Variants in EPHA3 observed in about 807,000 individuals in gnomAD.
EPHA3 encodes EPH receptor A3.
EPHA3 carries 42 observed loss-of-function variants against 107.1 expected under a neutral mutation model. That is an observed-to-expected ratio of 0.39 (90% CI 0.31 to 0.51). EPHA3 has a LOEUF of 0.51. Among genes scored for constraint, EPHA3 ranks in the 20% least tolerant of loss-of-function variants. The pLI is 0.78. For missense variants in EPHA3, 1,183 were observed against 1,211.2 expected (o/e 0.98, Z 0.35); for synonymous variants, 461 against 424.8 (o/e 1.09, Z -1.05).
intron 5 of EPHA3, among the ~76,000 whole-genome samples, chr3:89,375,780 A>C (rs533818462): frequency 6.6e-6 from 1 of 151,976 alleles, no homozygotes. Context: ...AGACACAAAC[A>C]AAATAGGCCC....
In EPHA3 at chr3:89,109,547, TAGTC is replaced by T. The variant is rs573832437; in HGVS notation, c.88+1715_88+1718del. Among the ~76,000 whole-genome samples, 23 of 152,072 alleles carry T rather than the reference TAGTC, an allele frequency of 1.5e-4. No homozygotes were observed. In the South Asian group the frequency reaches 2.3e-3, roughly 15 times the overall value. ...TAATTATGCACAAGAATGTAGCTGTTAGTCAGTATTTTTGTGGAAAACAACCTTT... is the reference window on the plus strand; with the variant it reads ...TAATTATGCACAAGAATGTAGCTGTTAGTATTTTTGTGGAAAACAACCTTT... On this transcript the variant is annotated intron_variant, in intron 1 of 16. Coordinates refer to ENST00000336596, the MANE Select transcript of EPHA3 (RefSeq NM_005233.6).
At chr3:89,236,914 C>A (rs1248069992) in intron 3 of EPHA3, among the ~76,000 whole-genome samples, 5 of 152,050 alleles carry the variant, frequency 3.3e-5, no homozygotes. Context: ...TGATTAGATG[C>A]ATGTAGTTGT....
chr3:89,409,341 T>C (rs1466604006), intron 9 of EPHA3, among the ~76,000 whole-genome samples: 1 of 152,036 alleles, frequency 6.6e-6, no homozygotes, highest in East Asian at 1.9e-4. Context: ...TTACAATTTT[T>C]ATGCATAAAT....
chr3:89,369,453 A>G, intron 5 of EPHA3, among the ~76,000 whole-genome samples: 1 of 150,766 alleles, frequency 6.6e-6, no homozygotes, highest in Non-Finnish European at 1.5e-5. Context: ...CCATATGTAG[A>G]AAGCTGAAAC....
intron 5 of EPHA3, among the ~76,000 whole-genome samples, chr3:89,367,291 T>A (rs1708203586): frequency 6.6e-6 from 1 of 150,770 alleles, no homozygotes; most frequent in Admixed American, 6.7e-5. Flanking sequence ...CTTCTTTACC[T>A]GTTCATTTCT....
At chr3:89,260,618 T>C (rs2107279684) in intron 3 of EPHA3, among the ~76,000 whole-genome samples, 1 of 152,322 alleles carries the variant, frequency 6.6e-6, no homozygotes, top group East Asian at 1.9e-4. Context: ...ATTTTTCCAG[T>C]CTGCAGGCTG....
intron 2 of EPHA3, among the ~76,000 whole-genome samples, chr3:89,175,802 T>G (rs539871800): frequency 6.6e-6 from 1 of 152,240 alleles, no homozygotes; most frequent in South Asian, 2.1e-4. Context: ...TCTCTTATAT[T>G]CTGGTACCCT....
At chr3:89,438,480 G>A (rs1346774705) in intron 13 of EPHA3, among the ~76,000 whole-genome samples, 3 of 151,990 alleles carry the variant, frequency 2.0e-5, no homozygotes, top group African/African-American at 7.2e-5. Context: ...AAGCTAAGAG[G>A]TTAAATATTT....
At chr3:89,460,608 T>A (rs1363157125) in intron 15 of EPHA3, among the ~76,000 whole-genome samples, 1 of 149,256 alleles carries the variant, frequency 6.7e-6, no homozygotes, top group African/African-American at 2.5e-5. Context: ...GAGTACATAA[T>A]AGAATTCTTT....
intron 1 of EPHA3, among the ~76,000 whole-genome samples, chr3:89,111,114 T>C (rs1707095487): frequency 1.3e-5 from 2 of 152,128 alleles, no homozygotes; most frequent in South Asian, 4.1e-4. Flanking sequence ...ACTATTTCTA[T>C]GAAATGCATT....
chr3:89,448,126 C>T (rs1306065943), intron 13 of EPHA3, among the ~76,000 whole-genome samples: 3 of 152,142 alleles, frequency 2.0e-5, no homozygotes, highest in Non-Finnish European at 4.4e-5. Flanking sequence ...GCTCCACGTT[C>T]CACATTACGG....
At chr3:89,226,215 C>T (rs1222032218) in intron 3 of EPHA3, among the ~76,000 whole-genome samples, 14 of 152,048 alleles carry the variant, frequency 9.2e-5, no homozygotes, top group Admixed American at 9.2e-4. Flanking sequence ...ACTATGTAAC[C>T]ATTCTGGGTC....
chr3:89,166,815 G>A (rs750365499), intron 2 of EPHA3, among the ~76,000 whole-genome samples: 1 of 152,044 alleles, frequency 6.6e-6, no homozygotes, highest in Non-Finnish European at 1.5e-5. Context: ...AATATTAAGG[G>A]GGTGCTTTTG....
chr3:89,308,694 C>T (rs1423469258), intron 3 of EPHA3, among the ~76,000 whole-genome samples: 1 of 151,518 alleles, frequency 6.6e-6, no homozygotes, highest in African/African-American at 2.4e-5. Flanking sequence ...TAAATCCTCA[C>T]CTGGGTTATA....
chr3:89,237,260 T>C (rs890271834), intron 3 of EPHA3, among the ~76,000 whole-genome samples: 5 of 152,134 alleles, frequency 3.3e-5, no homozygotes, highest in African/African-American at 1.2e-4. Context: ...TAATCCCAGG[T>C]GCTCAGGAGG....
chr3:89,365,524 ACTGT>A (rs1448134654), intron 5 of EPHA3, among the ~76,000 whole-genome samples: 2 of 150,744 alleles, frequency 1.3e-5, no homozygotes, highest in Admixed American at 1.3e-4. Flanking sequence ...GCAACACTTG[ACTGT>A]CTGTGCAGCA....
At position 89,472,334 on chromosome 3, in the gene EPHA3, A is replaced by C. The variant is rs1160837758; in HGVS notation, c.2691-130A>C. 17 of 1,007,298 alleles carry C rather than the reference A, an allele frequency of 1.7e-5. No homozygotes were observed. In the Admixed American group the frequency reaches 3.9e-4, roughly 23 times the overall value. The allele number at this position is 1,007,298 out of a possible 1,614,324, so 62.4% of individuals were successfully genotyped here. A position where few individuals can be genotyped will look rare whatever the true frequency, so the allele number is the denominator to read the frequency against. ...TGAACAGATGAAGCTTTCATGGCAG[A>C]TAAATTCCACAAATGAAAGGAACAC... On this transcript the variant is annotated intron_variant, in intron 15 of 16. Coordinates refer to ENST00000336596, the MANE Select transcript of EPHA3 (RefSeq NM_005233.6).
chr3:89,149,034 CA>C, intron 2 of EPHA3, among the ~76,000 whole-genome samples: 1 of 151,892 alleles, frequency 6.6e-6, no homozygotes, highest in Admixed American at 6.6e-5. Flanking sequence ...CAGCGCATAC[CA>C]ATCAGAGATT....
intron 3 of EPHA3, among the ~76,000 whole-genome samples, chr3:89,244,213 A>C (rs772304186): frequency 1.3e-5 from 2 of 152,266 alleles, no homozygotes; most frequent in Non-Finnish European, 2.9e-5. Context: ...ATGAAAATCA[A>C]ACAGATTTTT....
Sources: gnomAD v4.1 joint callset for allele counts (sites outside exome capture counted in the v4.1 genomes callset) on GRCh38, gnomAD v4.1.1 for gene constraint, MANE v1.5 for transcripts, NCBI Gene and HGNC (gene_info 2026-07-23, HGNC 2026-07-21) for gene names.